CWH43: variants seen among roughly 807,000 people sequenced by gnomAD.
CWH43 encodes the protein PGAP2-interacting protein.
A neutral mutation model predicts 85.7 loss-of-function variants in CWH43; 91 were observed. That is an observed-to-expected ratio of 1.06 (90% CI 0.90 to 1.26). CWH43 has a LOEUF of 1.26. Among genes scored for constraint, CWH43 ranks in the 50% most tolerant of loss-of-function variants. The pLI is 0.00. For synonymous variants in CWH43, 323 were observed against 293.6 expected (o/e 1.10, Z -1.02); for missense variants, 869 against 839.2 (o/e 1.04, Z -0.44).
chr4:49,060,906 G>C (rs1785136344), intron 15 of CWH43, among the ~76,000 whole-genome samples: 2 of 152,232 alleles, frequency 1.3e-5, no homozygotes, highest in South Asian at 4.2e-4. Flanking sequence ...GCGTATATCT[G>C]TGTGTATATG....
intron 15 of CWH43, among the ~76,000 whole-genome samples, chr4:49,058,263 G>GT (rs1321355082): frequency 1.4e-4 from 22 of 151,844 alleles, no homozygotes; most frequent in Non-Finnish European, 2.9e-4. Flanking sequence ...TCTACTATAG[G>GT]TTTTTTATTT....
chr4:49,029,060 C>T (rs528922382), intron 10 of CWH43, among the ~76,000 whole-genome samples: 18 of 152,150 alleles, frequency 1.2e-4, no homozygotes, highest in Admixed American at 2.6e-4. Context: ...TGGGGACCCA[C>T]TGTTGGGGAC....
At chr4:49,054,583 C>A (rs142504315) in intron 15 of CWH43, among the ~76,000 whole-genome samples, 1 of 152,046 alleles carries the variant, frequency 6.6e-6, no homozygotes, top group Non-Finnish European at 1.5e-5. Context: ...ATTGAATCTG[C>A]AGATTGCTTT....
chr4:49,046,571 G>T (rs1334922128), intron 14 of CWH43, among the ~76,000 whole-genome samples: 11 of 151,988 alleles, frequency 7.2e-5, no homozygotes, highest in Admixed American at 6.6e-4. Flanking sequence ...GGGTGGCTGT[G>T]GTAGGTTATA....
At position 48,992,617 on chromosome 4, in the gene CWH43, C is replaced by T. The variant is rs1782692652; in HGVS notation, c.511+527C>T. Among the ~76,000 whole-genome samples, 1 of 152,170 alleles carries T rather than the reference C, an allele frequency of 6.6e-6. No homozygotes were observed. The highest frequency in any genetic ancestry group is 2.4e-5 in the African/African-American group (1 of 41,440). The stretch of plus-strand genomic sequence containing the variant: ...TGACTTTCCAATCACCTGTCTCTCC[C>T]AGGGGCCAGCTTTCTCCGAGACAGA... On this transcript the variant is annotated intron_variant, in intron 4 of 15. Transcript: ENST00000226432. This position sits in a 1 kb window ranked among gnomAD's most constrained non-coding sequence, Gnocchi z 4.3.
Position 49,061,904 on chromosome 4 carries a change from A to T in CWH43, c.*14A>T, listed in dbSNP as rs1185785453. 1 of 1,343,354 alleles carries T rather than the reference A, an allele frequency of 7.4e-7. No homozygotes were observed. The allele number at this position is 1,343,354 out of a possible 1,614,324, so 83.2% of individuals were successfully genotyped here. Reference sequence around the variant, plus strand: ...TACTTTTTATGAAACATTTAAAACAAGAAGTTATTGGCTGGGAAAATCTAA... The same window carrying T: ...TACTTTTTATGAAACATTTAAAACATGAAGTTATTGGCTGGGAAAATCTAA... On this transcript the variant is annotated 3_prime_UTR_variant, in exon 16 of 16. Transcript: ENST00000226432.
chr4:48,997,419 T>C (rs1020913189), intron 5 of CWH43, among the ~76,000 whole-genome samples: 18 of 152,124 alleles, frequency 1.2e-4, no homozygotes, highest in African/African-American at 4.1e-4. Context: ...ATGTGAGCTC[T>C]ATGGGAGAAA....
intron 11 of CWH43, among the ~76,000 whole-genome samples, chr4:49,032,358 G>A (rs1285009701): frequency 6.6e-6 from 1 of 152,172 alleles, no homozygotes; most frequent in African/African-American, 2.4e-5. Context: ...AGTTGATGGT[G>A]TTTCCTTAGT....
chr4:49,044,770 C>T lies in CWH43; in HGVS notation c.1804-16C>T, dbSNP rs1174721549. ...CTTTTTATGCTTTAAACATTCTCCT[C>T]TCTGCTCTTTATTAGGATATCGACA... On this transcript the variant is annotated splice_polypyrimidine_tract_variant and intron_variant, in intron 13 of 15. Transcript: ENST00000226432. 3 of 1,606,986 alleles carry T rather than the reference C, an allele frequency of 1.9e-6. No individual in the cohort carries two copies. The highest frequency in any genetic ancestry group is 2.2e-5 in the East Asian group (1 of 44,782).
At chr4:49,024,917 G>T (rs555766340) in intron 9 of CWH43, among the ~76,000 whole-genome samples, 1 of 152,194 alleles carries the variant, frequency 6.6e-6, no homozygotes, top group South Asian at 2.1e-4. Flanking sequence ...GGCTAGGGAA[G>T]TTCTCCTCAA....
intron 1 of CWH43, among the ~76,000 whole-genome samples, chr4:48,987,824 G>A: frequency 6.6e-6 from 1 of 152,312 alleles, no homozygotes; most frequent in East Asian, 1.9e-4. Context: ...CTACTCAAGG[G>A]AACGACTGCT....
At chr4:49,037,386 A>C (rs1784292246) in intron 12 of CWH43, among the ~76,000 whole-genome samples, 1 of 152,166 alleles carries the variant, frequency 6.6e-6, no homozygotes, top group African/African-American at 2.4e-5. Flanking sequence ...CCTGCCCAAC[A>C]TGCAAAATGC....
chr4:49,045,543 A>G (rs1485970593), intron 14 of CWH43, among the ~76,000 whole-genome samples: 13 of 152,128 alleles, frequency 8.5e-5, no homozygotes, highest in Admixed American at 8.5e-4. Context: ...CCATGGTGTT[A>G]CAGTTGTCTA....
intron 8 of CWH43, chr4:49,016,571 T>C: frequency 2.8e-6 from 2 of 701,866 alleles, no homozygotes; most frequent in Non-Finnish European, 5.3e-6. Flanking sequence ...CATTACAGGG[T>C]GAAGATATAA....
chr4:48,991,083 G>C (rs549266944), intron 2 of CWH43, among the ~76,000 whole-genome samples: 1 of 152,190 alleles, frequency 6.6e-6, no homozygotes, highest in East Asian at 1.9e-4. Context: ...GGAAAAATTC[G>C]CAGAGACAGA....
At chr4:49,022,882 T>C (rs1184274842) in intron 9 of CWH43, among the ~76,000 whole-genome samples, 1 of 152,198 alleles carries the variant, frequency 6.6e-6, no homozygotes, top group Non-Finnish European at 1.5e-5. Flanking sequence ...TTCTGTGGTA[T>C]CCGTTGTAGT....
intron 14 of CWH43, among the ~76,000 whole-genome samples, chr4:49,045,540 G>T (rs190039077): frequency 1.9e-4 from 29 of 152,144 alleles, no homozygotes; most frequent in African/African-American, 6.7e-4. Context: ...TTACCATGGT[G>T]TTACAGTTGT....
chr4:49,041,536 C>T (rs1299621398), intron 13 of CWH43, among the ~76,000 whole-genome samples: 1 of 152,150 alleles, frequency 6.6e-6, no homozygotes, highest in Non-Finnish European at 1.5e-5. Context: ...CATGATTTGG[C>T]TCTCTGTTTG....
intron 13 of CWH43, among the ~76,000 whole-genome samples, chr4:49,042,294 A>C (rs1784487205): frequency 6.6e-6 from 1 of 152,202 alleles, no homozygotes; most frequent in Non-Finnish European, 1.5e-5. Flanking sequence ...AATAGTGAGT[A>C]TCCCAAGAGA....
Sources: allele counts gnomAD v4.1 joint callset (sites outside exome capture counted in the v4.1 genomes callset), GRCh38; gene constraint gnomAD v4.1.1; non-coding constraint Gnocchi (gnomAD v3.1); transcripts MANE v1.5; gene names NCBI Gene and HGNC (gene_info 2026-07-23, HGNC 2026-07-21).